The following RANBP2 variants were observed in gnomAD, a reference collection of about 807,000 sequenced individuals.
The protein encoded by RANBP2 is RAN binding protein 2, also known as E3 SUMO-protein ligase RanBP2.
In RANBP2, 57 loss-of-function variants were observed where a neutral mutation model predicts 303.6. That is an observed-to-expected ratio of 0.19 (90% CI 0.15 to 0.23). The LOEUF (loss-of-function observed/expected upper bound fraction) is 0.23, where lower values mean the gene tolerates loss of function less well. RANBP2 is among the 10% of genes least tolerant of loss of function. RANBP2 has a pLI of 1.00. For missense variants in RANBP2, 3,138 were observed against 3,780.8 expected, an observed-to-expected ratio of 0.83 and a Z score of 4.46; for synonymous variants, 1,167 against 1,301.5, an observed-to-expected ratio of 0.90 and a Z score of 2.23.
At chr2:109,201,819 G>C in the RANBP2 span, among the ~76,000 whole-genome samples, 1 of 152,200 alleles carries the variant, frequency 6.6e-6, no homozygotes, top group African/African-American at 2.4e-5. Context: ...GATCTCTTGG[G>C]TTATTTAAAT....
the RANBP2 span, among the ~76,000 whole-genome samples, chr2:108,864,948 G>T: frequency 1.3e-5 from 2 of 152,060 alleles, no homozygotes; most frequent in African/African-American, 4.8e-5. Context: ...GCAAGAGTGA[G>T]GCCCTGTTTT....
At chr2:108,723,253 T>C (rs2889840) in intron 1 of RANBP2, among the ~76,000 whole-genome samples, 265 of 152,048 alleles carry the variant, frequency 1.7e-3, no homozygotes, top group Admixed American at 6.2e-3. Context: ...ATTTTTAATT[T>C]CCTTTCTCCC....
chr2:109,196,792 A>G, the RANBP2 span, among the ~76,000 whole-genome samples: 3 of 152,200 alleles, frequency 2.0e-5, no homozygotes, highest in Non-Finnish European at 4.4e-5. Context: ...TCAGGCGCCA[A>G]TAGCATACGG....
At chr2:109,115,440 C>G in the RANBP2 span, among the ~76,000 whole-genome samples, 7 of 152,162 alleles carry the variant, frequency 4.6e-5, no homozygotes, top group African/African-American at 1.7e-4. Flanking sequence ...TTATCAGATA[C>G]TAGGATTGCA....
the RANBP2 span, among the ~76,000 whole-genome samples, chr2:108,810,452 C>T: frequency 2.3e-4 from 35 of 152,300 alleles, no homozygotes; most frequent in Non-Finnish European, 3.2e-4. Context: ...TCTGTTAAAA[C>T]GTGATTATCA....
chr2:109,527,127 C>T, the RANBP2 span, among the ~76,000 whole-genome samples: 1 of 152,208 alleles, frequency 6.6e-6, no homozygotes, highest in African/African-American at 2.4e-5. Flanking sequence ...AATACACATA[C>T]CTACAAATGT....
At chr2:109,676,617 G>A in the RANBP2 span, among the ~76,000 whole-genome samples, 4 of 152,198 alleles carry the variant, frequency 2.6e-5, no homozygotes, top group African/African-American at 7.2e-5. Context: ...TGCTGAAGGA[G>A]GGGTTGTGCA....
the RANBP2 span, among the ~76,000 whole-genome samples, chr2:108,923,210 T>C: frequency 4.7e-3 from 720 of 152,340 alleles, 7 homozygotes; most frequent in South Asian, 0.023. Flanking sequence ...CCTCCCTTCA[T>C]AGACCTGCCT....
the RANBP2 span, among the ~76,000 whole-genome samples, chr2:108,800,256 C>T: frequency 3.3e-5 from 5 of 151,992 alleles, no homozygotes; most frequent in Admixed American, 3.3e-4. Context: ...ATTTAGGCCT[C>T]ACTTTTTTTG....
the RANBP2 span, among the ~76,000 whole-genome samples, chr2:109,170,299 CTTCTCTTCTCT>C: frequency 5.7e-5 from 7 of 123,218 alleles, no homozygotes; most frequent in African/African-American, 1.9e-4. Flanking sequence ...CTTCTCTTCT[CTTCTCTTCTCT>C]TCTCTCCTCT....
the RANBP2 span, among the ~76,000 whole-genome samples, chr2:109,657,723 T>TTG: frequency 7.0e-6 from 1 of 143,002 alleles, no homozygotes; most frequent in Non-Finnish European, 1.5e-5. Flanking sequence ...AGTTTTTTTT[T>TTG]TTTTTTTTTT....
the RANBP2 span, among the ~76,000 whole-genome samples, chr2:109,451,204 T>C: frequency 6.6e-6 from 1 of 152,272 alleles, no homozygotes; most frequent in South Asian, 2.1e-4. Flanking sequence ...GCGCCTGGCA[T>C]GAAGGGCAAC....
chr2:108,981,238 G>T, the RANBP2 span, among the ~76,000 whole-genome samples: 1 of 152,200 alleles, frequency 6.6e-6, no homozygotes, highest in African/African-American at 2.4e-5. Flanking sequence ...CTCTGGGCCT[G>T]TGTCCACCTG....
chr2:108,725,172 C>T (rs559643448), intron 1 of RANBP2, among the ~76,000 whole-genome samples: 1 of 152,102 alleles, frequency 6.6e-6, no homozygotes, highest in Non-Finnish European at 1.5e-5. Context: ...ATAGTGACAT[C>T]TGCTGTCATG....
At chr2:109,385,069 CTCTGTCCCTTCA>C in the RANBP2 span, among the ~76,000 whole-genome samples, 1 of 152,232 alleles carries the variant, frequency 6.6e-6, no homozygotes, top group African/African-American at 2.4e-5. Flanking sequence ...GCTGGCCTTC[CTCTGTCCCTTCA>C]TCTGTCCCTT....
At chr2:109,676,986 T>G in the RANBP2 span, among the ~76,000 whole-genome samples, 1 of 152,160 alleles carries the variant, frequency 6.6e-6, no homozygotes, top group South Asian at 2.1e-4. Flanking sequence ...GAATGTCATG[T>G]CTGAGGTTTT....
At chr2:108,905,091 A>C in the RANBP2 span, among the ~76,000 whole-genome samples, 1 of 152,216 alleles carries the variant, frequency 6.6e-6, no homozygotes, top group Non-Finnish European at 1.5e-5. Flanking sequence ...CCTGGGATTC[A>C]CCCCTGACTA....
intron 18 of RANBP2, among the ~76,000 whole-genome samples, chr2:108,760,713 G>C (rs896181360): frequency 6.6e-6 from 1 of 152,128 alleles, no homozygotes; most frequent in Non-Finnish European, 1.5e-5. Context: ...TCTTCAACGT[G>C]GGTACCTCCC....
chr2:108,969,870 G>A, the RANBP2 span, among the ~76,000 whole-genome samples: 2 of 152,216 alleles, frequency 1.3e-5, no homozygotes, highest in Admixed American at 6.5e-5. Flanking sequence ...CCAAAAAGGG[G>A]TGAAAGAATC....
Sources: allele counts gnomAD v4.1 joint callset (sites outside exome capture counted in the v4.1 genomes callset), GRCh38; gene constraint gnomAD v4.1.1; transcripts MANE v1.5; gene names NCBI Gene and HGNC (gene_info 2026-07-23, HGNC 2026-07-21).